The following STXBP4 variants were observed in gnomAD, a reference collection of about 807,000 sequenced individuals.
STXBP4 encodes the protein syntaxin-binding protein 4.
STXBP4 carries 55 observed loss-of-function variants against 76.1 expected under a neutral mutation model. The ratio of observed to expected loss-of-function variants is 0.72; its 90% confidence interval spans 0.58 to 0.91. The LOEUF (loss-of-function observed/expected upper bound fraction) is 0.91. Ranked by LOEUF, STXBP4 falls within the 40% of genes least tolerant of loss-of-function variation. STXBP4 has a pLI of 0.00. For synonymous variants in STXBP4, 201 were observed against 220.2 expected (o/e 0.91, Z 0.77); for missense variants, 618 against 636.9 (o/e 0.97, Z 0.32).
rs115927734 is a variant in STXBP4, at chr17:55,099,671, A to C, written c.1489+18488A>C. 6.5e-3 allele frequency among the ~76,000 whole-genome samples: 987 copies of C among 152,320 alleles called. 11 individuals are homozygous for C. The highest frequency in any genetic ancestry group is 0.022 in the African/African-American group (928 of 41,580). On this transcript the variant is annotated intron_variant, in intron 16 of 17. Transcript: ENST00000376352. ...TACTTGCATGTACAAATAGATCTCA[A>C]ATAGTCTATTCTTTCCACAAATATT...
intron 3 of STXBP4, among the ~76,000 whole-genome samples, chr17:54,987,630 T>G (rs2077645074): frequency 1.3e-5 from 2 of 152,222 alleles, no homozygotes. Flanking sequence ...AACAATACAT[T>G]TGCAATTTCT....
the STXBP4 span, among the ~76,000 whole-genome samples, chr17:55,200,141 G>A: frequency 1.3e-5 from 2 of 152,106 alleles, no homozygotes; most frequent in African/African-American, 2.4e-5. Flanking sequence ...TCTAGTAAGA[G>A]GAAATCTGAA....
At chr17:55,096,099 T>A (rs150872638) in intron 16 of STXBP4, among the ~76,000 whole-genome samples, 12 of 152,322 alleles carry the variant, frequency 7.9e-5, no homozygotes, top group East Asian at 5.8e-4. Context: ...AGTGACCTAC[T>A]ATGAAAGTGT....
intron 3 of STXBP4, among the ~76,000 whole-genome samples, chr17:54,989,470 A>G (rs1444163270): frequency 1.3e-5 from 2 of 152,082 alleles, no homozygotes; most frequent in African/African-American, 4.8e-5. Context: ...TATATTCAAC[A>G]ATGGCTCTAA....
chr17:55,147,866 A>G (rs937501491), intron 17 of STXBP4, among the ~76,000 whole-genome samples: 2 of 152,222 alleles, frequency 1.3e-5, no homozygotes, highest in East Asian at 1.9e-4. Context: ...GTATGCCTTG[A>G]TCAACTGGAG....
chr17:55,003,560 T>C (rs537368026), intron 7 of STXBP4, among the ~76,000 whole-genome samples: 10 of 152,288 alleles, frequency 6.6e-5, no homozygotes, highest in African/African-American at 2.4e-4. Flanking sequence ...AATCAGAAAT[T>C]AACCATCACT....
At chr17:55,031,687 G>A (rs765487934) in intron 9 of STXBP4, among the ~76,000 whole-genome samples, 1 of 152,038 alleles carries the variant, frequency 6.6e-6, no homozygotes, top group Non-Finnish European at 1.5e-5. Flanking sequence ...TATGGGAGGG[G>A]AATTGTTTCC....
At chr17:54,988,447 G>A (rs193273158) in intron 3 of STXBP4, among the ~76,000 whole-genome samples, 3 of 152,124 alleles carry the variant, frequency 2.0e-5, no homozygotes, top group African/African-American at 7.2e-5. Flanking sequence ...GGCTTTACTC[G>A]TTTATGTTTT....
intron 16 of STXBP4, among the ~76,000 whole-genome samples, chr17:55,126,459 C>G (rs1198327455): frequency 6.6e-6 from 1 of 152,102 alleles, no homozygotes; most frequent in Non-Finnish European, 1.5e-5. Context: ...AGTTGGCTGC[C>G]TCTTGGGGCA....
chr17:55,106,667 A>C (rs1257859379), intron 16 of STXBP4, among the ~76,000 whole-genome samples: 4 of 151,650 alleles, frequency 2.6e-5, no homozygotes, highest in African/African-American at 9.7e-5. Flanking sequence ...TAGTGACAAA[A>C]CCTCTCAGCA....
chr17:55,190,910 G>C, the STXBP4 span, among the ~76,000 whole-genome samples: 1,788 of 152,244 alleles, frequency 0.012, 25 homozygotes, highest in Non-Finnish European at 0.017. Context: ...TTCACACATG[G>C]TGGGGTTTAC....
At chr17:55,000,947 G>A in intron 7 of STXBP4, 64 bp downstream of exon 7, 2 of 1,120,038 alleles carry the variant, frequency 1.8e-6, no homozygotes, top group Non-Finnish European at 2.7e-6. Context: ...TGAGGAGTGT[G>A]TAATGTGACT....
the STXBP4 span, among the ~76,000 whole-genome samples, chr17:55,183,369 T>G: frequency 6.6e-6 from 1 of 152,146 alleles, no homozygotes; most frequent in Non-Finnish European, 1.5e-5. Flanking sequence ...GAGGATTGCT[T>G]GAGCCCAGGA....
intron 6 of STXBP4, among the ~76,000 whole-genome samples, 193 bp downstream of exon 6, chr17:55,000,035 G>A (rs1314645164): frequency 6.6e-6 from 1 of 152,056 alleles, no homozygotes; most frequent in Non-Finnish European, 1.5e-5. Context: ...AGCATGTCCT[G>A]TGTCCAGGAG....
Position 55,016,239 on chromosome 17 carries a change from G to A in STXBP4, c.666+8642G>A, listed in dbSNP as rs1465496714. Among the ~76,000 whole-genome samples, 4 of 152,040 alleles carry A rather than the reference G, an allele frequency of 2.6e-5. No individual in the cohort carries two copies. In the South Asian group the frequency reaches 8.3e-4, roughly 32 times the overall value. ...GTTTATCGGTTTAGTTACACTCACCGATGTAGCAGTCCTGCACCTGTTTTC... is the reference window on the plus strand; with the variant it reads ...GTTTATCGGTTTAGTTACACTCACCAATGTAGCAGTCCTGCACCTGTTTTC... On this transcript the variant is annotated intron_variant, in intron 8 of 17. Transcript: ENST00000376352.
chr17:55,197,182 C>T, the STXBP4 span, among the ~76,000 whole-genome samples: 1 of 152,182 alleles, frequency 6.6e-6, no homozygotes, highest in Non-Finnish European at 1.5e-5. Context: ...GATTTAAAAA[C>T]AAACTCCCAG....
At chr17:55,124,965 A>T (rs1049614078) in intron 16 of STXBP4, among the ~76,000 whole-genome samples, 1 of 152,052 alleles carries the variant, frequency 6.6e-6, no homozygotes, top group African/African-American at 2.4e-5. Context: ...TCAAGGTCCT[A>T]CTCTTTATGA....
At chr17:55,145,444 ACTG>A (rs1271634842) in intron 17 of STXBP4, among the ~76,000 whole-genome samples, 1 of 152,222 alleles carries the variant, frequency 6.6e-6, no homozygotes, top group Admixed American at 6.5e-5. Context: ...GGCATCTGTC[ACTG>A]CCTTCCCAGA....
intron 14 of STXBP4, 28 bp downstream of exon 14, chr17:55,078,222 T>A (rs753708039): frequency 6.9e-7 from 1 of 1,459,192 alleles, no homozygotes; most frequent in East Asian, 2.3e-5. Flanking sequence ...ATTACATTCA[T>A]CTTTAAAAAA....
Sources: gnomAD v4.1 joint callset for allele counts (sites outside exome capture counted in the v4.1 genomes callset) on GRCh38, gnomAD v4.1.1 for gene constraint, MANE v1.5 for transcripts, NCBI Gene and HGNC (gene_info 2026-07-23, HGNC 2026-07-21) for gene names.